The following LUC7L2 variants were observed in gnomAD, a reference collection of about 807,000 sequenced individuals.
LUC7L2 encodes putative RNA-binding protein Luc7-like 2.
LUC7L2 carries 25 observed loss-of-function variants against 52.8 expected under a neutral mutation model. The observed-to-expected ratio is 0.47, with a 90% CI of 0.34 to 0.66. The LOEUF (loss-of-function observed/expected upper bound fraction) is 0.66. LUC7L2 is among the 30% of genes least tolerant of loss of function. The pLI is 0.01. For synonymous variants in LUC7L2, 144 were observed against 160.9 expected, an observed-to-expected ratio of 0.89 and a Z score of 0.80; for missense variants, 328 against 497.8, an observed-to-expected ratio of 0.66 and a Z score of 3.25.
At chr7:139,415,054 G>GTTTTTTT (rs1171809951) in intron 8 of LUC7L2, among the ~76,000 whole-genome samples, 19 of 54,182 alleles carry the variant, frequency 3.5e-4, no homozygotes, top group Middle Eastern at 0.011. Flanking sequence ...GCCCTGCTAA[G>GTTTTTTT]TTTTTTTTTT....
At position 139,417,640 on chromosome 7, in the gene LUC7L2, G is replaced by A; in HGVS notation, c.912G>A (p.Arg304=). 6.2e-7 allele frequency: 1 copy of A among 1,614,152 alleles called. No homozygotes were observed. The highest frequency in any genetic ancestry group is 8.5e-7 in the Non-Finnish European group (1 of 1,180,014). Reference sequence around the variant, plus strand: ...CTCGGGAGAAACGCCATCGCCACAGGTCCCGCTCCAGCAGCCGTAGCCGCA... The same window carrying A: ...CTCGGGAGAAACGCCATCGCCACAGATCCCGCTCCAGCAGCCGTAGCCGCA... ...SKSREKRHRH[R]SRSSSRSRSR... is the part of the protein sequence containing the mutation. The change falls in exon 9 of 10, where the codon AGG becomes AGA. Residue 304 remains arginine (R), a synonymous_variant. Transcript: ENST00000354926.
chr7:139,378,183 ATCTGAAATC>A (rs1396994340), intron 2 of LUC7L2, among the ~76,000 whole-genome samples: 1 of 152,142 alleles, frequency 6.6e-6, no homozygotes, highest in Non-Finnish European at 1.5e-5. Flanking sequence ...GCTATGCTGC[ATCTGAAATC>A]TATGAAATCT....
At chr7:139,374,682 A>G (rs1241659267) in intron 1 of LUC7L2, 3 of 1,310,876 alleles carry the variant, frequency 2.3e-6, no homozygotes, top group Admixed American at 3.6e-5. Flanking sequence ...CATTTTAACT[A>G]TAAATTACTG....
chr7:139,351,322 C>T (rs1312298683), intron 1 of LUC7L2, among the ~76,000 whole-genome samples: 2 of 152,234 alleles, frequency 1.3e-5, no homozygotes, highest in Admixed American at 6.5e-5. Flanking sequence ...ATGACACTTT[C>T]ACTCAGTCCC....
chr7:139,411,856 G>C (rs534748726), intron 7 of LUC7L2, among the ~76,000 whole-genome samples: 19 of 152,116 alleles, frequency 1.2e-4, no homozygotes, highest in African/African-American at 4.6e-4. Flanking sequence ...TCTTTTCCCA[G>C]AAGGGAAAAA....
intron 3 of LUC7L2, among the ~76,000 whole-genome samples, chr7:139,400,055 A>G (rs1489005401): frequency 1.3e-5 from 2 of 152,202 alleles, no homozygotes; most frequent in African/African-American, 4.8e-5. Flanking sequence ...ATATCCAAGA[A>G]TTTCTGCTAA....
At chr7:139,343,946 A>G (rs1321949719) in intron 1 of LUC7L2, among the ~76,000 whole-genome samples, 2 of 150,566 alleles carry the variant, frequency 1.3e-5, no homozygotes, top group Non-Finnish European at 3.0e-5. Context: ...AAAAAAAAAA[A>G]GAGTTGGTGG....
chr7:139,367,412 A>AT (rs1800218166), intron 1 of LUC7L2, among the ~76,000 whole-genome samples: 1 of 152,252 alleles, frequency 6.6e-6, no homozygotes, highest in Non-Finnish European at 1.5e-5. Flanking sequence ...AAAATGGTGT[A>AT]TTATGTAACT....
chr7:139,373,938 T>C (rs1268920604), intron 1 of LUC7L2, among the ~76,000 whole-genome samples: 3 of 152,218 alleles, frequency 2.0e-5, no homozygotes, highest in Admixed American at 6.5e-5. Context: ...GTTTCAACTT[T>C]AAAATTTTAT....
In LUC7L2 at chr7:139,387,591, G is replaced by A. The variant is rs541714065; in HGVS notation, c.157-11008G>A. ...GATGAAGTGACATTTGAGATCGAAT[G>A]TGGAGAAGAAGGTAGTCATTTCTGA... On this transcript the variant is annotated intron_variant, in intron 2 of 9. Transcript: ENST00000354926. 1.2e-4 allele frequency among the ~76,000 whole-genome samples: 18 copies of A among 152,320 alleles called. No homozygotes were observed. In the East Asian group the frequency reaches 2.1e-3, roughly 18 times the overall value.
intron 5 of LUC7L2, among the ~76,000 whole-genome samples, chr7:139,406,352 CTT>C (rs58282436): frequency 0.32 from 42,898 of 132,082 alleles, 8,515 homozygotes; most frequent in African/African-American, 0.59. Context: ...GCACCAGGGC[CTT>C]TTTTTTTTTT....
At chr7:139,395,247 T>C (rs756483100) in intron 2 of LUC7L2, among the ~76,000 whole-genome samples, 3 of 152,242 alleles carry the variant, frequency 2.0e-5, no homozygotes, top group Non-Finnish European at 4.4e-5. Flanking sequence ...TGCCATTAGC[T>C]TCTTTCATTC....
chr7:139,413,372 C>T (rs1384723612), intron 8 of LUC7L2, among the ~76,000 whole-genome samples: 2 of 152,138 alleles, frequency 1.3e-5, no homozygotes, highest in Admixed American at 1.3e-4. Flanking sequence ...CCAAATTCTA[C>T]CATTCCTCTT....
intron 1 of LUC7L2, among the ~76,000 whole-genome samples, chr7:139,342,159 C>G (rs1003715677): frequency 8.6e-5 from 13 of 150,772 alleles, no homozygotes; most frequent in Non-Finnish European, 1.2e-4. Context: ...GGAACCTGGT[C>G]TAAACAGGAA....
At chr7:139,392,356 G>C (rs981681185) in intron 2 of LUC7L2, 1 of 319,298 alleles carries the variant, frequency 3.1e-6, no homozygotes, top group Non-Finnish European at 6.2e-6. Context: ...GTTTATTTGG[G>C]GAAATAACAT....
In LUC7L2 at chr7:139,423,120, AAAT is replaced by A. The variant is rs747878107; in HGVS notation, c.*792_*794del. 8.5e-4 allele frequency: 341 copies of A among 399,002 alleles called. No individual in the cohort carries two copies. The highest frequency in any genetic ancestry group is 1.4e-3 in the Admixed American group (32 of 22,714). 24.7% of individuals were successfully genotyped at this position (399,002 alleles called of 1,614,324 possible). On this transcript the variant is annotated 3_prime_UTR_variant, in exon 10 of 10. Coordinates refer to ENST00000354926, the MANE Select transcript of LUC7L2 (RefSeq NM_016019.5). ...TAAAGGCTACACCCTTATTGTAAAA[AAAT>A]AATAATAATAAAATGAAAGAAACAA... is the stretch of plus-strand genomic sequence containing the variant.
intron 8 of LUC7L2, among the ~76,000 whole-genome samples, chr7:139,415,387 G>C (rs1795548448): frequency 6.6e-6 from 1 of 151,582 alleles, no homozygotes; most frequent in African/African-American, 2.4e-5. Context: ...AATATTTTTT[G>C]GATGAAAAAA....
intron 2 of LUC7L2, among the ~76,000 whole-genome samples, chr7:139,382,439 G>A (rs1194476706): frequency 1.3e-5 from 2 of 151,880 alleles, no homozygotes; most frequent in East Asian, 3.9e-4. Flanking sequence ...CTGGAGTGCA[G>A]TGGTGCTATC....
At chr7:139,399,868 TG>T (rs1356277923) in intron 3 of LUC7L2, among the ~76,000 whole-genome samples, 1 of 151,934 alleles carries the variant, frequency 6.6e-6, no homozygotes. Flanking sequence ...TTTATATTGC[TG>T]TTTTTATATG....
Sources: allele counts gnomAD v4.1 joint callset (sites outside exome capture counted in the v4.1 genomes callset), GRCh38; gene constraint gnomAD v4.1.1; transcripts MANE v1.5; gene names NCBI Gene and HGNC (gene_info 2026-07-23, HGNC 2026-07-21).